BMP7: variants seen among roughly 807,000 people sequenced by gnomAD.
BMP7 encodes the protein osteogenic protein 1.
A neutral mutation model predicts 41.2 loss-of-function variants in BMP7; 12 were observed. The ratio of observed to expected loss-of-function variants is 0.29; its 90% CI spans 0.19 to 0.47. BMP7 has a LOEUF of 0.47. Ranked by LOEUF, BMP7 falls within the 20% of genes least tolerant of loss-of-function variation. The probability of loss-of-function intolerance (pLI) is 0.99; values close to 1 mark genes in which losing one functional copy is unlikely to be tolerated. For missense variants in BMP7, 467 were observed against 606.0 expected (o/e 0.77, Z 2.41); for synonymous variants, 248 against 250.0 (o/e 0.99, Z 0.07).
chr20:57,237,143 C>G (rs2066050932), intron 1 of BMP7, among the ~76,000 whole-genome samples: 1 of 152,184 alleles, frequency 6.6e-6, no homozygotes, highest in African/African-American at 2.4e-5. Context: ...TTTCTGTGAG[C>G]ACAGACTAGT....
intron 2 of BMP7, among the ~76,000 whole-genome samples, chr20:57,220,862 A>G (rs172982): frequency 0.66 from 100,262 of 152,130 alleles, 34,113 homozygotes; most frequent in African/African-American, 0.83. Context: ...GAGAAAGCAC[A>G]TTGGAGCATT....
At chr20:57,189,881 G>T (rs925478378) in intron 3 of BMP7, among the ~76,000 whole-genome samples, 1 of 152,224 alleles carries the variant, frequency 6.6e-6, no homozygotes. Flanking sequence ...CAGCTCAGGG[G>T]TGCACAGTGC....
Position 57,265,855 on chromosome 20 carries a change from T to G in BMP7, c.268A>C (p.Met90Leu). The stretch of plus-strand genomic sequence containing the variant: ...GGCCCGCCGCCCTCCTCCACCGCCA[T>G]GGCGTTGTACAGGTCCAGCATGAAC... ...PMFMLDLYNA[M>L]AVEEGGGPGG... The change falls in exon 1 of 7, where the codon ATG becomes CTG. Residue 90 changes from methionine to leucine, a missense_variant. Coordinates refer to ENST00000395863, the MANE Select transcript of BMP7 (RefSeq NM_001719.3). 1 of 1,607,028 alleles carries G rather than the reference T, an allele frequency of 6.2e-7. No homozygotes were observed. Among genetic ancestry groups the G allele is most frequent in the Non-Finnish European group, 8.5e-7 (1 of 1,177,174 alleles).
rs557548426 is a variant in BMP7, at chr20:57,204,561, A to G, written c.612-1938T>C. 5.3e-5 allele frequency among the ~76,000 whole-genome samples: 8 copies of G among 152,298 alleles called. No homozygotes were observed. The South Asian group carries it at 6.2e-4, about 12-fold the overall frequency. On this transcript the variant is annotated intron_variant, in intron 2 of 6. Coordinates refer to ENST00000395863, the MANE Select transcript of BMP7 (RefSeq NM_001719.3). Reference sequence around the variant, plus strand: ...GAGGCAGGTGCGAGGGCACAGCGCAATTTTCTCAGGCACAAGCACAGAAGG... The same window carrying G: ...GAGGCAGGTGCGAGGGCACAGCGCAGTTTTCTCAGGCACAAGCACAGAAGG...
At position 57,204,589 on chromosome 20, in the gene BMP7, C is replaced by T. The variant is rs113550139; in HGVS notation, c.612-1966G>A. 5.9e-5 allele frequency among the ~76,000 whole-genome samples: 9 copies of T among 152,198 alleles called. No individual in the cohort carries two copies. The South Asian group carries it at 6.2e-4, about 10-fold the overall frequency. On this transcript the variant is annotated intron_variant, in intron 2 of 6. Coordinates refer to ENST00000395863, the MANE Select transcript of BMP7 (RefSeq NM_001719.3). ...TTCTCAGGCACAAGCACAGAAGGAA[C>T]GAATCGGAGCTGCTTTTCCCTCTGG...
chr20:57,251,580 G>T (rs927236249), intron 1 of BMP7, among the ~76,000 whole-genome samples: 5 of 152,124 alleles, frequency 3.3e-5, no homozygotes, highest in Non-Finnish European at 5.9e-5. Context: ...GAACATGGAG[G>T]GGGGGCAGGA....
intron 2 of BMP7, among the ~76,000 whole-genome samples, chr20:57,221,344 G>A (rs192021398): frequency 5.3e-5 from 8 of 152,272 alleles, no homozygotes; most frequent in Non-Finnish European, 1.0e-4. Flanking sequence ...TTCCTTGTGT[G>A]GAAAATATGA....
intron 3 of BMP7, among the ~76,000 whole-genome samples, chr20:57,186,826 C>G (rs1984222485): frequency 6.6e-6 from 1 of 152,148 alleles, no homozygotes; most frequent in Non-Finnish European, 1.5e-5. Flanking sequence ...TTTAAAAGAA[C>G]AAATTTTCCC....
chr20:57,205,228 T>C (rs1210044115), intron 2 of BMP7, among the ~76,000 whole-genome samples: 1 of 152,222 alleles, frequency 6.6e-6, no homozygotes, highest in African/African-American at 2.4e-5. Flanking sequence ...CAAGGAAGTC[T>C]TTTTAGAGCC....
intron 1 of BMP7, among the ~76,000 whole-genome samples, chr20:57,263,870 G>A (rs558155432): frequency 6.6e-6 from 1 of 151,760 alleles, no homozygotes; most frequent in African/African-American, 2.4e-5. Context: ...CTCCCACTCC[G>A]TAAGCCCCAG....
intron 4 of BMP7, 36 bp downstream of exon 4, chr20:57,183,686 T>TGTG (rs963600933): frequency 1.2e-6 from 2 of 1,612,704 alleles, no homozygotes; most frequent in Non-Finnish European, 1.7e-6. Flanking sequence ...GCTGGGTTCC[T>TGTG]GTGGTGGGTC....
intron 3 of BMP7, among the ~76,000 whole-genome samples, chr20:57,186,636 G>T (rs1175014408): frequency 6.6e-6 from 1 of 152,154 alleles, no homozygotes; most frequent in African/African-American, 2.4e-5. Flanking sequence ...CTGAGCCTCT[G>T]CAGATACGGT....
intron 1 of BMP7, among the ~76,000 whole-genome samples, chr20:57,253,617 C>T (rs1353024156): frequency 6.6e-6 from 1 of 152,180 alleles, no homozygotes; most frequent in Non-Finnish European, 1.5e-5. Flanking sequence ...AGGACTGGCT[C>T]TCCTGCCCCC....
At chr20:57,216,723 G>A (rs1438290647) in intron 2 of BMP7, among the ~76,000 whole-genome samples, 1 of 152,168 alleles carries the variant, frequency 6.6e-6, no homozygotes, top group Non-Finnish European at 1.5e-5. Flanking sequence ...ATAGGGGAAG[G>A]TGTGTGGGGA....
intron 1 of BMP7, among the ~76,000 whole-genome samples, chr20:57,265,042 A>AAAAAAAAG (rs1555819055): frequency 7.9e-4 from 95 of 120,144 alleles, no homozygotes; most frequent in African/African-American, 2.8e-3. Flanking sequence ...AAAAAAAAAA[A>AAAAAAAAG]AAAAGAAAAG....
At chr20:57,250,380 A>T (rs2123141626) in intron 1 of BMP7, among the ~76,000 whole-genome samples, 1 of 148,210 alleles carries the variant, frequency 6.7e-6, no homozygotes, top group Non-Finnish European at 1.5e-5. Flanking sequence ...ACACACAAAA[A>T]ATTAGCCAGG....
At chr20:57,247,299 G>C (rs1297926193) in intron 1 of BMP7, among the ~76,000 whole-genome samples, 1 of 152,176 alleles carries the variant, frequency 6.6e-6, no homozygotes, top group African/African-American at 2.4e-5. Context: ...AATTTCTTCT[G>C]TCTTCTTTGC....
At chr20:57,207,290 CAG>C (rs199901339) in intron 2 of BMP7, among the ~76,000 whole-genome samples, 276 of 151,996 alleles carry the variant, frequency 1.8e-3, no homozygotes, top group Non-Finnish European at 2.0e-3. Context: ...GTCTATAAAC[CAG>C]AGAGAGAGAG....
intron 3 of BMP7, among the ~76,000 whole-genome samples, chr20:57,195,111 A>G (rs1984461979): frequency 6.6e-6 from 1 of 152,194 alleles, no homozygotes; most frequent in African/African-American, 2.4e-5. Flanking sequence ...AGACGACTTG[A>G]GCAAAATCGG....
Sources: gnomAD v4.1 joint callset for allele counts (sites outside exome capture counted in the v4.1 genomes callset) on GRCh38, gnomAD v4.1.1 for gene constraint, MANE v1.5 for transcripts, NCBI Gene and HGNC (gene_info 2026-07-23, HGNC 2026-07-21) for gene names.